The following KCNC2 variants were observed in gnomAD, a reference collection of about 807,000 sequenced individuals.
KCNC2 encodes potassium voltage-gated channel subfamily C member 2, also known as voltage-gated potassium channel KCNC2.
Under a neutral mutation model 44.5 loss-of-function variants are expected in KCNC2, and 21 were observed. The observed-to-expected ratio is 0.47, with a 90% CI of 0.33 to 0.68. KCNC2 has a LOEUF of 0.68. Among genes scored for constraint, KCNC2 ranks in the 30% least tolerant of loss-of-function variants. The pLI is 0.01. For synonymous variants in KCNC2, 391 were observed against 339.1 expected, an observed-to-expected ratio of 1.15 and a Z score of -1.68; for missense variants, 589 against 826.2, an observed-to-expected ratio of 0.71 and a Z score of 3.52.
At chr12:75,128,398 A>C (rs1888588104) in intron 2 of KCNC2, among the ~76,000 whole-genome samples, 1 of 152,202 alleles carries the variant, frequency 6.6e-6, no homozygotes, top group African/African-American at 2.4e-5. Context: ...GAGTCAGCAA[A>C]TACTCCTATT....
intron 2 of KCNC2, among the ~76,000 whole-genome samples, chr12:75,112,020 G>A (rs1421293038): frequency 6.6e-6 from 1 of 151,600 alleles, no homozygotes; most frequent in Non-Finnish European, 1.5e-5. Context: ...AATACTCTAT[G>A]CAGTTTATAC....
At chr12:75,175,123 C>A (rs1227030055) in intron 2 of KCNC2, among the ~76,000 whole-genome samples, 1 of 151,868 alleles carries the variant, frequency 6.6e-6, no homozygotes, top group Non-Finnish European at 1.5e-5. Flanking sequence ...AGGATCAATG[C>A]AGACCACAAC....
At chr12:75,197,193 C>G (rs916956910) in intron 2 of KCNC2, among the ~76,000 whole-genome samples, 2 of 152,004 alleles carry the variant, frequency 1.3e-5, no homozygotes, top group South Asian at 4.1e-4. Flanking sequence ...CATTGCTGTC[C>G]TGGACTGAGA....
Position 75,207,699 on chromosome 12 carries a change from A to G in KCNC2, c.285T>C (p.His95=), listed in dbSNP as rs1453483362. 1.3e-6 allele frequency: 2 copies of G among 1,592,546 alleles called. No homozygotes were observed. Among genetic ancestry groups the G allele is most frequent in the South Asian group, 2.3e-5 (2 of 88,826 alleles). The change falls in exon 2 of 5, where the codon CAT becomes CAC. Residue 95 remains histidine (H), a synonymous_variant. Transcript: ENST00000549446. The surrounding 1 kb of genome is among the most constrained non-coding windows in gnomAD (Gnocchi z 4.1). Reference sequence around the variant, plus strand: ...AGAAGAACTCGCGGCCGCCACCGGGATGGTCGCTGGCCCTGCCGCCGCGGG... The same window carrying G: ...AGAAGAACTCGCGGCCGCCACCGGGGTGGTCGCTGGCCCTGCCGCCGCGGG... ...CSSRGGRASD[H]PGGGREFFFD...
intron 2 of KCNC2, among the ~76,000 whole-genome samples, chr12:75,095,939 T>C (rs1181435556): frequency 6.6e-6 from 1 of 151,958 alleles, no homozygotes. Flanking sequence ...ACCATAGGAA[T>C]GTATTTCAAG....
chr12:75,060,095 G>T (rs7970507), intron 2 of KCNC2, among the ~76,000 whole-genome samples: 134,459 of 152,152 alleles, frequency 0.88, 59,560 homozygotes, highest in Admixed American at 0.91. Flanking sequence ...TCAAGAGAAC[G>T]TCAATTTACA....
chr12:75,092,759 A>T (rs1037225477), intron 2 of KCNC2, among the ~76,000 whole-genome samples: 6 of 151,712 alleles, frequency 4.0e-5, no homozygotes, highest in Non-Finnish European at 8.9e-5. Context: ...TATTTCTGCC[A>T]AAATCCCTAA....
At chr12:75,071,791 G>C (rs951430446) in intron 2 of KCNC2, among the ~76,000 whole-genome samples, 2 of 151,876 alleles carry the variant, frequency 1.3e-5, no homozygotes, top group Non-Finnish European at 2.9e-5. Flanking sequence ...ACAAAAATTA[G>C]CCAGGTTTGG....
chr12:75,073,603 G>T (rs942017891), intron 2 of KCNC2, among the ~76,000 whole-genome samples: 2 of 152,158 alleles, frequency 1.3e-5, no homozygotes, highest in South Asian at 4.1e-4. Context: ...TTGAAAGACT[G>T]CACTTAAGTT....
chr12:75,195,242 G>C (rs766808861), intron 2 of KCNC2, among the ~76,000 whole-genome samples: 18 of 152,022 alleles, frequency 1.2e-4, no homozygotes, highest in Non-Finnish European at 2.1e-4. Context: ...TTGTTATGGT[G>C]GTGGGTGAAT....
chr12:75,077,605 C>T (rs2137064892), intron 2 of KCNC2, among the ~76,000 whole-genome samples: 1 of 152,190 alleles, frequency 6.6e-6, no homozygotes, highest in South Asian at 2.1e-4. Flanking sequence ...CTAAAGGACT[C>T]CAAGATATAC....
chr12:75,157,507 C>G (rs1335410490), intron 2 of KCNC2, among the ~76,000 whole-genome samples: 1 of 151,826 alleles, frequency 6.6e-6, no homozygotes, highest in Non-Finnish European at 1.5e-5. Flanking sequence ...TAGATTTATC[C>G]TCAAGAAGTT....
intron 2 of KCNC2, among the ~76,000 whole-genome samples, chr12:75,149,205 G>C (rs940892771): frequency 1.3e-5 from 2 of 150,264 alleles, no homozygotes; most frequent in African/African-American, 4.9e-5. Context: ...ATTTGTGTCT[G>C]TGTGTGTGTG....
In KCNC2 at chr12:75,069,129, C is replaced by CTTTTTTTTTTTTTTTTTTT. The variant is rs1158151551; in HGVS notation, c.688-17831_688-17813dup. Among the ~76,000 whole-genome samples, 27 of 63,662 alleles carry CTTTTTTTTTTTTTTTTTTT rather than the reference C, an allele frequency of 4.2e-4. 8 individuals carry two copies. The highest frequency in any genetic ancestry group is 1.2e-3 in the Admixed American group (4 of 3,404). The allele number at this position is 63,662 out of a possible 152,430, so 41.8% of individuals were successfully genotyped here. A position where few individuals can be genotyped will look rare whatever the true frequency, so the allele number is the denominator to read the frequency against. The stretch of plus-strand genomic sequence containing the variant: ...AAAAACAGTTTCAATTTTATATAAT[C>CTTTTTTTTTTTTTTTTTTT]TTTTTTTTTTTTTTTTTTTTTTGAG... On this transcript the variant is annotated intron_variant, in intron 2 of 4. Coordinates refer to ENST00000549446, the MANE Select transcript of KCNC2 (RefSeq NM_139137.4).
Position 75,209,379 on chromosome 12 carries a change from G to A in KCNC2, c.-192C>T, listed in dbSNP as rs199613430. ...GAGCCGCTTCCCTGGGCGCTGGGGT[G>A]GGGGAGAAAGCCCCCGCCGGCCGCC... On this transcript the variant is annotated 5_prime_UTR_variant, in exon 1 of 5. Coordinates refer to ENST00000549446, the MANE Select transcript of KCNC2 (RefSeq NM_139137.4). 6.6e-6 allele frequency: 1 copy of A among 152,396 alleles called. No individual in the cohort carries two copies. 9.4% of individuals were successfully genotyped at this position (152,396 alleles called of 1,614,324 possible).
intron 4 of KCNC2, among the ~76,000 whole-genome samples, chr12:75,046,877 A>G (rs1447843128): frequency 2.0e-5 from 3 of 151,964 alleles, no homozygotes; most frequent in Non-Finnish European, 4.4e-5. Context: ...TCAAAGGCAT[A>G]GAAGCAGAGA....
At chr12:75,175,611 G>A (rs1032021869) in intron 2 of KCNC2, among the ~76,000 whole-genome samples, 1 of 151,992 alleles carries the variant, frequency 6.6e-6, no homozygotes, top group Non-Finnish European at 1.5e-5. Flanking sequence ...AGACTGCAGA[G>A]CTCTCTTTTT....
chr12:75,206,681 TC>T (rs1430942541), intron 2 of KCNC2, among the ~76,000 whole-genome samples: 1 of 152,150 alleles, frequency 6.6e-6, no homozygotes, highest in African/African-American at 2.4e-5. Context: ...ACGGAAACAA[TC>T]CTAGTATTCG....
chr12:75,094,715 T>C lies in KCNC2; in HGVS notation c.688-43398A>G, dbSNP rs562551659. Among the ~76,000 whole-genome samples the C allele has an allele frequency of 4.6e-5, 7 of 151,856 alleles. No homozygotes were observed. In the South Asian group the frequency reaches 8.3e-4, roughly 18 times the overall value. ...TGAGAAGTTTTCAGGAATTTTTTAA[T>C]TGAATCAGAGCTGATAAGGATTAAT... On this transcript the variant is annotated intron_variant, in intron 2 of 4. Transcript: ENST00000549446.
Sources: allele counts gnomAD v4.1 joint callset (sites outside exome capture counted in the v4.1 genomes callset), GRCh38; gene constraint gnomAD v4.1.1; non-coding constraint Gnocchi (gnomAD v3.1); transcripts MANE v1.5; gene names NCBI Gene and HGNC (gene_info 2026-07-23, HGNC 2026-07-21).